DPP6: variants seen among roughly 807,000 people sequenced by gnomAD.
The protein encoded by DPP6 is A-type potassium channel modulatory protein DPP6.
DPP6 carries 69 observed loss-of-function variants against 122.6 expected under a neutral mutation model. That is an observed-to-expected ratio of 0.56 (90% confidence interval 0.46 to 0.69). The LOEUF (loss-of-function observed/expected upper bound fraction) is 0.69. Among genes scored for constraint, DPP6 ranks in the 30% least tolerant of loss-of-function variants. The pLI, the probability that DPP6 is intolerant of heterozygous loss-of-function variation, is 0.00. For synonymous variants in DPP6, 418 were observed against 433.1 expected, an observed-to-expected ratio of 0.97 and a Z score of 0.43; for missense variants, 928 against 1,116.9, an observed-to-expected ratio of 0.83 and a Z score of 2.41.
intron 10 of DPP6, among the ~76,000 whole-genome samples, chr7:154,788,273 C>T (rs922693762): frequency 6.6e-5 from 10 of 151,968 alleles, no homozygotes; most frequent in Non-Finnish European, 1.2e-4. Flanking sequence ...GCGAAACCCC[C>T]TCTCTACTAA....
intron 1 of DPP6, among the ~76,000 whole-genome samples, chr7:154,085,537 A>C (rs1804346132): frequency 6.6e-6 from 1 of 152,184 alleles, no homozygotes; most frequent in Admixed American, 6.5e-5. Flanking sequence ...CGAACACAGT[A>C]AGTTCTTTGT....
At chr7:154,544,928 C>T (rs941938324) in intron 4 of DPP6, among the ~76,000 whole-genome samples, 1 of 152,138 alleles carries the variant, frequency 6.6e-6, no homozygotes, top group Non-Finnish European at 1.5e-5. Context: ...TGGGCGGCTG[C>T]GTGGGTCCAG....
intron 1 of DPP6, among the ~76,000 whole-genome samples, chr7:154,167,861 G>C (rs554533332): frequency 2.0e-5 from 3 of 152,096 alleles, no homozygotes; most frequent in Admixed American, 6.5e-5. Flanking sequence ...AAAATGTCAG[G>C]CTCCCAGGCC....
chr7:153,886,311 G>A (rs1798910109), upstream of DPP6, among the ~76,000 whole-genome samples: 1 of 152,198 alleles, frequency 6.6e-6, no homozygotes, highest in South Asian at 2.1e-4. Flanking sequence ...GATGGGAACA[G>A]CGCCCAGGGG....
the DPP6 span, among the ~76,000 whole-genome samples, chr7:153,795,636 C>T: frequency 6.6e-6 from 1 of 152,062 alleles, no homozygotes; most frequent in Admixed American, 6.6e-5. Context: ...CTTTCTTCTA[C>T]TTCCTTTGAT....
chr7:154,883,267 C>T (rs1191827120), intron 21 of DPP6, among the ~76,000 whole-genome samples: 1 of 138,464 alleles, frequency 7.2e-6, no homozygotes, highest in Admixed American at 7.1e-5. Context: ...TACACCTGCT[C>T]TCACACACAT....
At chr7:154,766,805 G>T (rs1211482019) in intron 8 of DPP6, among the ~76,000 whole-genome samples, 3 of 152,156 alleles carry the variant, frequency 2.0e-5, no homozygotes, top group Admixed American at 6.5e-5. Flanking sequence ...ACCCACTTTG[G>T]ACTGTGCTGG....
At chr7:154,613,600 C>A in intron 5 of DPP6, among the ~76,000 whole-genome samples, 1 of 108,242 alleles carries the variant, frequency 9.2e-6, no homozygotes. Context: ...GCCTGGGCAA[C>A]AAGAGCGAGA....
At chr7:154,214,931 T>G (rs1345540177) in intron 1 of DPP6, among the ~76,000 whole-genome samples, 1 of 151,922 alleles carries the variant, frequency 6.6e-6, no homozygotes, top group Non-Finnish European at 1.5e-5. Context: ...ACAAAATATG[T>G]GTCTTGCAGT....
In DPP6 at chr7:154,118,127, A is replaced by T. The variant is rs184225475; in HGVS notation, c.243+65064A>T. On this transcript the variant is annotated intron_variant, in intron 1 of 25. Coordinates refer to ENST00000377770, the MANE Select transcript of DPP6 (RefSeq NM_130797.4). ...GAAAACACAAAAGCTGTGCATGATG[A>T]TAAGGCTAGTGGGCCTAGTGTTACC... is the stretch of plus-strand genomic sequence containing the variant. 5.6e-3 allele frequency among the ~76,000 whole-genome samples: 849 copies of T among 150,290 alleles called. 35 individuals are homozygous for T. Among genetic ancestry groups the T allele is most frequent in the Admixed American group, 0.048 (729 of 15,178 alleles).
intron 15 of DPP6, among the ~76,000 whole-genome samples, chr7:154,805,405 G>A (rs1354100728): frequency 6.6e-6 from 1 of 152,176 alleles, no homozygotes; most frequent in Non-Finnish European, 1.5e-5. Flanking sequence ...CTGGCTTTGG[G>A]GAACTCTGCC....
In DPP6 at chr7:154,016,327, A is replaced by G. The variant is rs147931452; in HGVS notation, c.51+128593A>G. On this transcript the variant is annotated intron_variant, in intron 1 of 25. Coordinates refer to the DPP6 transcript ENST00000404039. ...TCTATTGTTTTTTGCTATATCTGCA[A>G]TGTGCTTGGTAGTTAGGAAGCATTA... Among the ~76,000 whole-genome samples the G allele has an allele frequency of 7.6e-3, 936 of 123,244 alleles. 13 individuals carry two copies. Among genetic ancestry groups the G allele is most frequent in the African/African-American group, 0.028 (901 of 31,782 alleles). 80.9% of individuals were successfully genotyped at this position (123,244 alleles called of 152,430 possible).
chr7:154,437,291 T>C (rs1182897163), intron 1 of DPP6, among the ~76,000 whole-genome samples: 1 of 152,238 alleles, frequency 6.6e-6, no homozygotes, highest in African/African-American at 2.4e-5. Context: ...ATAGATTCCA[T>C]TCTAGGCCAG....
intron 1 of DPP6, among the ~76,000 whole-genome samples, chr7:154,178,102 G>A (rs12154291): frequency 0.28 from 43,107 of 152,058 alleles, 6,175 homozygotes; most frequent in East Asian, 0.34. Flanking sequence ...CCAGATCAGG[G>A]GAGTCGGTTG....
intron 1 of DPP6, among the ~76,000 whole-genome samples, chr7:153,995,929 G>A (rs1468676441): frequency 6.6e-6 from 1 of 152,152 alleles, no homozygotes; most frequent in African/African-American, 2.4e-5. Context: ...TGTTGACCAA[G>A]CTATTTATGT....
At chr7:153,921,660 C>T (rs2129008733) in intron 1 of DPP6, among the ~76,000 whole-genome samples, 1 of 152,338 alleles carries the variant, frequency 6.6e-6, no homozygotes, top group Middle Eastern at 3.4e-3. Flanking sequence ...GCAAGCTCTG[C>T]ACACAGTGAG....
intron 4 of DPP6, among the ~76,000 whole-genome samples, chr7:154,553,542 T>G (rs1247562070): frequency 6.6e-6 from 1 of 152,212 alleles, no homozygotes; most frequent in South Asian, 2.1e-4. Context: ...CCTTAGGAAC[T>G]CTGTGAGCTT....
rs143664818 is a variant in DPP6 at position 154,752,130 on chromosome 7, A to C, written c.884-17287A>C. On this transcript the variant is annotated intron_variant, in intron 8 of 25. Transcript: ENST00000377770. ...GGGGCCTTGTCTATGTAAAGACTGA[A>C]CTAAGCTGTGTCTGCTTGGGTGGGG... Among the ~76,000 whole-genome samples the C allele has an allele frequency of 3.2e-3, 488 of 152,334 alleles. 2 individuals carry two copies. Among genetic ancestry groups the C allele is most frequent in the African/African-American group, 0.011 (441 of 41,574 alleles).
At chr7:154,394,245 CTT>C (rs1289992474) in intron 1 of DPP6, among the ~76,000 whole-genome samples, 1 of 152,164 alleles carries the variant, frequency 6.6e-6, no homozygotes. Flanking sequence ...TCCTCACTAA[CTT>C]ATTTTCTGTT....
Sources: gnomAD v4.1 joint callset for allele counts (sites outside exome capture counted in the v4.1 genomes callset) on GRCh38, gnomAD v4.1.1 for gene constraint, MANE v1.5 for transcripts, NCBI Gene and HGNC (gene_info 2026-07-23, HGNC 2026-07-21) for gene names.